LPAR6: variants seen among roughly 807,000 people sequenced by gnomAD.
LPAR6 encodes the protein lysophosphatidic acid receptor 6, also known as G-protein coupled purinergic receptor P2Y5.
Under a neutral mutation model 22.0 loss-of-function variants are expected in LPAR6, and 17 were observed. That is an observed-to-expected ratio of 0.77 (90% CI 0.53 to 1.16). The LOEUF (loss-of-function observed/expected upper bound fraction) is 1.16. LPAR6 is among the 50% of genes most tolerant of loss of function. The probability of loss-of-function intolerance (pLI) is 0.00; values close to 1 mark genes in which losing one functional copy is unlikely to be tolerated. For synonymous variants in LPAR6, 136 were observed against 139.8 expected (o/e 0.97, Z 0.19); for missense variants, 384 against 406.9 (o/e 0.94, Z 0.48).
chr13:48,411,836 A>G lies in LPAR6; in HGVS notation c.588T>C (p.Pro196=). ...TAGAACAAGTTACATTTAAAATTAG[A>G]GGAATAAAAAATCCCACTATTTCGA... The part of the protein sequence containing the change: ...IFIEIVGFFI[P]LILNVTCSSM... Residue 196 remains proline (P), a synonymous_variant, in exon 1 of 1, where the codon CCT becomes CCC. Transcript: ENST00000620633. The G allele has an allele frequency of 6.2e-7, 1 of 1,612,664 alleles. No homozygotes were observed. The highest frequency in any genetic ancestry group is 8.5e-7 in the Non-Finnish European group (1 of 1,178,664).
chr13:48,426,243 A>G (rs1949077718), intron 1 of LPAR6, among the ~76,000 whole-genome samples: 1 of 152,232 alleles, frequency 6.6e-6, no homozygotes, highest in African/African-American at 2.4e-5. Flanking sequence ...ATTATAGATG[A>G]CATCACCTAT....
intron 1 of LPAR6, among the ~76,000 whole-genome samples, chr13:48,439,082 A>G (rs1482119684): frequency 6.6e-6 from 1 of 152,188 alleles, no homozygotes; most frequent in African/African-American, 2.4e-5. Flanking sequence ...AGAGGCAGTA[A>G]GCAAAGGAAC....
intron 1 of LPAR6, among the ~76,000 whole-genome samples, chr13:48,438,773 G>C (rs1295357041): frequency 6.6e-6 from 1 of 152,050 alleles, no homozygotes; most frequent in Non-Finnish European, 1.5e-5. Flanking sequence ...AAGTAATGTG[G>C]TTGGTGCTAT....
upstream of LPAR6, among the ~76,000 whole-genome samples, chr13:48,416,755 G>A (rs1270854232): frequency 1.3e-5 from 2 of 152,128 alleles, no homozygotes; most frequent in African/African-American, 4.8e-5. Context: ...TGGGAGGAGG[G>A]GCTTCTGCCA....
In LPAR6 at chr13:48,434,702, C is replaced by T. The variant is rs140291559; in HGVS notation, c.-1474+9851G>A. On this transcript the variant is annotated intron_variant, in intron 1 of 6. Coordinates refer to the LPAR6 transcript ENST00000378434. The stretch of plus-strand genomic sequence containing the variant: ...GTGTAGGTCCATGTATCCACCACCA[C>T]AAGCAATTGCACCCATATCCCTCCA... Among the ~76,000 whole-genome samples the T allele has an allele frequency of 9.2e-5, 14 of 152,296 alleles. No individual in the cohort carries two copies. In the East Asian group the frequency reaches 2.7e-3, roughly 29 times the overall value.
At chr13:48,411,131 C>G (rs1948791631), downstream of LPAR6, 1 of 321,148 alleles carries the variant, frequency 3.1e-6, no homozygotes, top group Non-Finnish European at 5.8e-6. Flanking sequence ...CACTTTTAGA[C>G]ACTAAATAAC....
chr13:48,411,496 T>G lies in LPAR6; in HGVS notation c.928A>C (p.Arg310=). 1 of 1,612,850 alleles carries G rather than the reference T, an allele frequency of 6.2e-7. No homozygotes were observed. Among genetic ancestry groups the G allele is most frequent in the Non-Finnish European group, 8.5e-7 (1 of 1,179,286 alleles). The change falls in exon 1 of 1, where the codon AGG becomes CGG. Residue 310 remains arginine, a synonymous_variant. Transcript: ENST00000620633. ...TCAGAGAATCTGAAGTCACTTCTCC[T>G]GACAGACCAGTTTTTCATTTTTATT... ...NSIKMKNWSV[R]RSDFRFSEVH... is the part of the protein sequence containing the mutation.
At position 48,404,530 on chromosome 13, in the gene LPAR6, CTT is replaced by C. The variant is rs377081129; in HGVS notation, n.114+11168_114+11169del. Among the ~76,000 whole-genome samples the C allele has an allele frequency of 5.1e-4, 78 of 151,674 alleles. No individual in the cohort carries two copies. The East Asian group carries it at 0.014, about 27-fold the overall frequency. On this transcript the variant is annotated intron_variant and non_coding_transcript_variant, in intron 1 of 1. Coordinates refer to the LPAR6 transcript ENST00000462781. ...CAAGCATGATGAATGAATGTGGATA[CTT>C]TTTGTTTTTTTTTAATGACAGTCTC...
chr13:48,396,513 C>G (rs1948649567), intron 1 of LPAR6, among the ~76,000 whole-genome samples: 1 of 152,148 alleles, frequency 6.6e-6, no homozygotes, highest in Non-Finnish European at 1.5e-5. Context: ...GGATTAAAGA[C>G]TTAAACATAA....
intron 1 of LPAR6, among the ~76,000 whole-genome samples, chr13:48,402,899 AT>A (rs1226064142): frequency 1.3e-5 from 2 of 152,062 alleles, no homozygotes; most frequent in African/African-American, 4.8e-5. Flanking sequence ...AAATGGTATA[AT>A]TTTTTAGTGC....
At chr13:48,415,429 G>A (rs1427666606), upstream of LPAR6, among the ~76,000 whole-genome samples, 4 of 151,506 alleles carry the variant, frequency 2.6e-5, no homozygotes, top group South Asian at 2.1e-4. Context: ...ATGGGCACCC[G>A]CCACCACACC....
chr13:48,426,244 C>T (rs1949077759), intron 1 of LPAR6, among the ~76,000 whole-genome samples: 1 of 152,150 alleles, frequency 6.6e-6, no homozygotes, highest in South Asian at 2.1e-4. Context: ...TTATAGATGA[C>T]ATCACCTATA....
intron 1 of LPAR6, among the ~76,000 whole-genome samples, chr13:48,402,531 A>T (rs1247820265): frequency 6.6e-6 from 1 of 151,816 alleles, no homozygotes; most frequent in Non-Finnish European, 1.5e-5. Flanking sequence ...GTGTGAGCCA[A>T]CACACCCAGC....
chr13:48,439,512 C>A (rs1949215855), intron 1 of LPAR6: 1 of 152,042 alleles, frequency 6.6e-6, no homozygotes, highest in Non-Finnish European at 1.5e-5. Context: ...CTCACCAGTC[C>A]ACACAACATT....
chr13:48,411,959 C>T lies in LPAR6; in HGVS notation c.465G>A (p.Gln155=), dbSNP rs778245158. 11 of 1,612,420 alleles carry T rather than the reference C, an allele frequency of 6.8e-6. No homozygotes were observed. Among genetic ancestry groups the T allele is most frequent in the Non-Finnish European group, 8.5e-6 (10 of 1,179,162 alleles). ...CATTGTTACCCTGAGAGTGGGTAGA[C>T]TGAACAAAAACGGCGGGTGCACTTC... The part of the protein sequence containing the change: ...IGGSAPAVFV[Q]STHSQGNNAS... Residue 155 remains glutamine (Q), a synonymous_variant, in exon 1 of 1, where the codon CAG becomes CAA. Transcript: ENST00000620633.
chr13:48,412,152 A>G lies in LPAR6; in HGVS notation c.272T>C (p.Ile91Thr). The G allele has an allele frequency of 7.4e-6, 12 of 1,613,988 alleles. No homozygotes were observed. The highest frequency in any genetic ancestry group is 1.0e-5 in the Non-Finnish European group (12 of 1,179,974). ...GTTGGTATAAAACAGCATCACAGAAATCTTACAAAGTAAATCTCCAAATGG... is the reference window on the plus strand; with the variant it reads ...GTTGGTATAAAACAGCATCACAGAAGTCTTACAAAGTAAATCTCCAAATGG... ...NWPFGDLLCKISVMLFYTNMY... is the reference protein window; with the variant it reads ...NWPFGDLLCKTSVMLFYTNMY... The change falls in exon 1 of 1, where the codon ATT becomes ACT. Residue 91 changes from isoleucine (I) to threonine (T), a missense_variant. Ile to Thr is a moderately conservative substitution (Grantham distance 89). Transcript: ENST00000620633.
intron 1 of LPAR6, among the ~76,000 whole-genome samples, chr13:48,394,275 C>G (rs1398045868): frequency 6.6e-6 from 1 of 152,192 alleles, no homozygotes; most frequent in Non-Finnish European, 1.5e-5. Flanking sequence ...GAGATTCCCT[C>G]GGGTGCCTAC....
intron 1 of LPAR6, among the ~76,000 whole-genome samples, chr13:48,434,853 T>A (rs1949167044): frequency 6.6e-6 from 1 of 152,240 alleles, no homozygotes; most frequent in Non-Finnish European, 1.5e-5. Flanking sequence ...TCATTCAGTA[T>A]AATTTTCTGG....
At chr13:48,420,471 T>C (rs1303049806) in intron 2 of LPAR6, among the ~76,000 whole-genome samples, 1 of 152,170 alleles carries the variant, frequency 6.6e-6, no homozygotes, top group African/African-American at 2.4e-5. Flanking sequence ...CTTTGAAAAC[T>C]GGCACAAGAC....
Sources: gnomAD v4.1 joint callset for allele counts (sites outside exome capture counted in the v4.1 genomes callset) on GRCh38, gnomAD v4.1.1 for gene constraint, MANE v1.5 for transcripts, NCBI Gene and HGNC (gene_info 2026-07-23, HGNC 2026-07-21) for gene names.